RGPD4: variants seen among roughly 807,000 people sequenced by gnomAD.
The protein encoded by RGPD4 is RANBP2 like and GRIP domain containing 4, also known as ranBP2-like and GRIP domain-containing protein 4.
In RGPD4, 84 loss-of-function variants were observed where a neutral mutation model predicts 141.1. The observed-to-expected ratio is 0.60, with a 90% CI of 0.50 to 0.71. The LOEUF is 0.71. Among genes scored for constraint, RGPD4 ranks in the 30% least tolerant of loss-of-function variants. RGPD4 has a pLI of 0.00. For synonymous variants in RGPD4, 298 were observed against 566.8 expected, an observed-to-expected ratio of 0.53 and a Z score of 6.74; for missense variants, 918 against 1,622.4, an observed-to-expected ratio of 0.57 and a Z score of 7.46.
intron 6 of RGPD4, among the ~76,000 whole-genome samples, chr2:107,844,910 A>G (rs1321630928): frequency 9.1e-6 from 1 of 109,454 alleles, no homozygotes; most frequent in Non-Finnish European, 1.7e-5. Flanking sequence ...ACCTTGACTC[A>G]CTGTAACCTC....
At chr2:107,876,811 C>A (rs1240174973) in intron 20 of RGPD4, among the ~76,000 whole-genome samples, 1 of 151,856 alleles carries the variant, frequency 6.6e-6, no homozygotes, top group Non-Finnish European at 1.5e-5. Flanking sequence ...TCAGCCAGGG[C>A]AAAGGTCGCA....
intron 6 of RGPD4, among the ~76,000 whole-genome samples, chr2:107,845,830 T>C (rs1188992240): frequency 6.0e-5 from 9 of 149,522 alleles, no homozygotes; most frequent in East Asian, 4.1e-4. Context: ...TCCCAAAGTG[T>C]TGGGATTACA....
chr2:107,885,184 C>A (rs1034575071), intron 22 of RGPD4, among the ~76,000 whole-genome samples: 33 of 151,808 alleles, frequency 2.2e-4, no homozygotes, highest in African/African-American at 7.5e-4. Flanking sequence ...CAAAAGTAAA[C>A]CTAATTTTAT....
At chr2:107,827,591 C>CGACCTGGCCGGGCGGCAGCGGCCTG (rs1681262456) in intron 1 of RGPD4, among the ~76,000 whole-genome samples, 3 of 53,698 alleles carry the variant, frequency 5.6e-5, no homozygotes, top group African/African-American at 2.7e-4. Flanking sequence ...GCGGCGGCCT[C>CGACCTGGCCGGGCGGCAGCGGCCTG]GACCTGGCCC....
At chr2:107,850,910 A>G (rs1385307496) in intron 7 of RGPD4, among the ~76,000 whole-genome samples, 1 of 20,274 alleles carries the variant, frequency 4.9e-5, no homozygotes, top group East Asian at 5.0e-4. Context: ...AAGTGCTGGC[A>G]TTACAGGCGT....
At chr2:107,828,822 G>T (rs1373105375) in intron 1 of RGPD4, among the ~76,000 whole-genome samples, 49 of 14,182 alleles carry the variant, frequency 3.5e-3, no homozygotes, top group Non-Finnish European at 3.7e-3. Flanking sequence ...CGGCGGCCTC[G>T]ACCCGGCCCG....
At chr2:107,878,384 G>T (rs1405530896) in intron 20 of RGPD4, among the ~76,000 whole-genome samples, 2 of 143,242 alleles carry the variant, frequency 1.4e-5, no homozygotes, top group East Asian at 3.9e-4. Context: ...AACCCGGGAA[G>T]AGGGAGAAGG....
At chr2:107,874,860 T>A (rs1035759498) in intron 20 of RGPD4, among the ~76,000 whole-genome samples, 17 of 151,700 alleles carry the variant, frequency 1.1e-4, no homozygotes, top group African/African-American at 4.1e-4. Context: ...TATCTTACGG[T>A]GTACTGTTAT....
rs1283526670 is a variant in RGPD4 at position 107,850,686 on chromosome 2, G to A, written c.978+2150G>A. Among the ~76,000 whole-genome samples the A allele has an allele frequency of 5.6e-5, 2 of 35,670 alleles. 1 individual carries two copies. Among genetic ancestry groups the A allele is most frequent in the Admixed American group, 5.2e-4 (2 of 3,850 alleles). 23.4% of individuals were successfully genotyped at this position (35,670 alleles called of 152,430 possible). A position where few individuals can be genotyped will look rare whatever the true frequency, so the allele number is the denominator to read the frequency against. ...TTTTGAGACGGAGTCTCACTCTGTC[G>A]CCCAGGCTGGAGCACAGTGGCACGA... On this transcript the variant is annotated intron_variant, in intron 7 of 22. Coordinates refer to ENST00000408999, the MANE Select transcript of RGPD4 (RefSeq NM_182588.3).
chr2:107,883,446 A>C (rs1297294371), intron 22 of RGPD4, among the ~76,000 whole-genome samples: 1 of 151,388 alleles, frequency 6.6e-6, no homozygotes, highest in Non-Finnish European at 1.5e-5. Flanking sequence ...CCTGGCCAAC[A>C]TGGTGAAATC....
chr2:107,844,837 T>G (rs1271035798), intron 6 of RGPD4, among the ~76,000 whole-genome samples: 147 of 91,590 alleles, frequency 1.6e-3, no homozygotes, highest in African/African-American at 6.1e-3. Flanking sequence ...TTTGTTTTTT[T>G]TTTTTTTTTT....
intron 22 of RGPD4, among the ~76,000 whole-genome samples, chr2:107,887,391 C>A (rs1479087405): frequency 6.6e-6 from 1 of 152,022 alleles, no homozygotes; most frequent in African/African-American, 2.4e-5. Context: ...TTGGTAAATA[C>A]CTGACTGTAT....
chr2:107,840,148 CTA>C (rs1208118091), intron 4 of RGPD4, among the ~76,000 whole-genome samples: 1 of 151,580 alleles, frequency 6.6e-6, no homozygotes, highest in African/African-American at 2.4e-5. Flanking sequence ...CAGAACTACT[CTA>C]TTACCACAGA....
At chr2:107,885,879 C>T (rs933555738) in intron 22 of RGPD4, among the ~76,000 whole-genome samples, 1 of 151,488 alleles carries the variant, frequency 6.6e-6, no homozygotes, top group Non-Finnish European at 1.5e-5. Flanking sequence ...ATGGTGAAAC[C>T]CCGTCTCTAC....
intron 20 of RGPD4, among the ~76,000 whole-genome samples, chr2:107,878,107 C>T (rs2919194): frequency 3.3e-5 from 5 of 150,862 alleles, no homozygotes; most frequent in African/African-American, 4.9e-5. Context: ...CCACCACGCC[C>T]GGCCTTGATG....
chr2:107,878,078 C>G (rs1161519078), intron 20 of RGPD4, among the ~76,000 whole-genome samples: 1 of 150,920 alleles, frequency 6.6e-6, no homozygotes, highest in Non-Finnish European at 1.5e-5. Context: ...TCCCAAACTG[C>G]TAGGATTACA....
chr2:107,829,850 G>A (rs1047102271), intron 1 of RGPD4, among the ~76,000 whole-genome samples: 19 of 152,020 alleles, frequency 1.2e-4, no homozygotes, highest in African/African-American at 4.4e-4. Flanking sequence ...TAGGCACCCG[G>A]GTGCTGTATC....
At chr2:107,890,412 G>T (rs1206870401) in intron 22 of RGPD4, among the ~76,000 whole-genome samples, 1 of 140,116 alleles carries the variant, frequency 7.1e-6, no homozygotes, top group Non-Finnish European at 1.5e-5. Flanking sequence ...CCCAGGCATG[G>T]TGGCACACAC....
At chr2:107,844,823 C>CTTTCTTT (rs1681859004) in intron 6 of RGPD4, among the ~76,000 whole-genome samples, 24 of 53,804 alleles carry the variant, frequency 4.5e-4, no homozygotes, top group Non-Finnish European at 7.0e-4. Flanking sequence ...TTCTTTCTTT[C>CTTTCTTT]TTTTTTGTTT....
Sources: gnomAD v4.1 joint callset for allele counts (sites outside exome capture counted in the v4.1 genomes callset) on GRCh38, gnomAD v4.1.1 for gene constraint, MANE v1.5 for transcripts, NCBI Gene and HGNC (gene_info 2026-07-23, HGNC 2026-07-21) for gene names.